C1orf141: variants seen among roughly 807,000 people sequenced by gnomAD.
C1orf141 encodes uncharacterized protein C1orf141.
In C1orf141, 19 loss-of-function variants were observed where a neutral mutation model predicts 23.2. The ratio of observed to expected loss-of-function variants is 0.82; its 90% CI spans 0.57 to 1.20. C1orf141 has a LOEUF of 1.20. Ranked by LOEUF, C1orf141 falls within the 50% of genes most tolerant of loss-of-function variation. The pLI is 0.00. For missense variants in C1orf141, 469 were observed against 455.1 expected (o/e 1.03, Z -0.28); for synonymous variants, 153 against 154.6 (o/e 0.99, Z 0.08).
chr1:67,101,396 T>C (rs1645795295), intron 5 of C1orf141, among the ~76,000 whole-genome samples: 2 of 151,938 alleles, frequency 1.3e-5, no homozygotes, highest in South Asian at 4.1e-4. Flanking sequence ...ATTTTGCATC[T>C]TTCTCTGACC....
chr1:67,096,160 C>G (rs1645675705), intron 6 of C1orf141, 92 bp downstream of exon 6: 2 of 682,100 alleles, frequency 2.9e-6, no homozygotes, highest in African/African-American at 1.8e-5. Context: ...AATAATAAGG[C>G]AGAATAAATT....
chr1:67,098,328 C>T lies in C1orf141; in HGVS notation c.347-2007G>A, dbSNP rs150829533. Among the ~76,000 whole-genome samples, 93 of 152,218 alleles carry T rather than the reference C, an allele frequency of 6.1e-4. 1 individual carries two copies. Among genetic ancestry groups the T allele is most frequent in the African/African-American group, 2.0e-3 (84 of 41,544 alleles). On this transcript the variant is annotated intron_variant, in intron 5 of 7. Coordinates refer to ENST00000684719, the MANE Select transcript of C1orf141 (RefSeq NM_001276351.2). Reference sequence around the variant, plus strand: ...TTGAGGTCAGGAGTTTGAGACCAGCCTGGCCAACATGGTGAAACCCCATCT... The same window carrying T: ...TTGAGGTCAGGAGTTTGAGACCAGCTTGGCCAACATGGTGAAACCCCATCT...
rs145029579 is a variant in C1orf141 at position 67,107,375 on chromosome 1, T to C, written c.346+7977A>G. Among the ~76,000 whole-genome samples the C allele has an allele frequency of 2.4e-3, 367 of 152,250 alleles. 3 individuals are homozygous for C. The highest frequency in any genetic ancestry group is 2.2e-3 in the Non-Finnish European group (148 of 67,998). On this transcript the variant is annotated intron_variant, in intron 5 of 7. Coordinates refer to ENST00000684719, the MANE Select transcript of C1orf141 (RefSeq NM_001276351.2). ...AACAAAAAAGAATAAAATGATAGAC[T>C]TAATTTCACCCATATCACCAATTAC...
At chr1:67,098,741 T>C (rs1645739607) in intron 5 of C1orf141, among the ~76,000 whole-genome samples, 4 of 152,074 alleles carry the variant, frequency 2.6e-5, no homozygotes, top group Admixed American at 2.6e-4. Context: ...TGATGAAATA[T>C]GTTTAGAAAT....
At chr1:67,094,686 C>T (rs1329446630) in intron 7 of C1orf141, 1 of 152,246 alleles carries the variant, frequency 6.6e-6, no homozygotes, top group Non-Finnish European at 1.5e-5. Flanking sequence ...CCTGACTAGA[C>T]AGCTTTCGAG....
At chr1:67,120,037 C>G (rs1256486758) in intron 4 of C1orf141, among the ~76,000 whole-genome samples, 2 of 152,208 alleles carry the variant, frequency 1.3e-5, no homozygotes, top group Non-Finnish European at 2.9e-5. Flanking sequence ...TGAGTGGGTT[C>G]TGGAGGCAGG....
At chr1:67,095,046 A>G (rs1645643349) in intron 7 of C1orf141, 189 bp downstream of exon 7, 2 of 488,604 alleles carry the variant, frequency 4.1e-6, no homozygotes, top group Non-Finnish European at 7.1e-6. Flanking sequence ...TTCAGCTGGT[A>G]TAAAGGAATC....
At chr1:67,141,255 A>AAAT (rs1483491918) in intron 1 of C1orf141, among the ~76,000 whole-genome samples, 2 of 152,320 alleles carry the variant, frequency 1.3e-5, no homozygotes, top group East Asian at 3.9e-4. Flanking sequence ...TATATCTTGG[A>AAAT]AATATTTTTC....
chr1:67,095,081 G>A, intron 7 of C1orf141, 154 bp downstream of exon 7: 2 of 524,590 alleles, frequency 3.8e-6, no homozygotes, highest in Non-Finnish European at 6.6e-6. Flanking sequence ...TGTGCAAAGT[G>A]CATTAAGAAC....
At chr1:67,127,290 C>T (rs376724344) in intron 2 of C1orf141, 33 bp from the exon 3 acceptor site, 2 of 1,252,472 alleles carry the variant, frequency 1.6e-6, no homozygotes, top group South Asian at 1.3e-5. Context: ...AAGAACAAAT[C>T]AATTCAAATT....
At position 67,093,424 on chromosome 1, in the gene C1orf141, A is replaced by C; in HGVS notation, c.784T>G (p.Ser262Ala). ...EILKSIIGNQ[S>A]ISLFKPQKTM... ...TTTTGGGGTTTGAAAAGAGAAATAG[A>C]TTGATTGCCAATTATAGATTTGAGG... Residue 262 changes from serine to alanine, a missense_variant, in exon 8 of 8, where the codon TCT (serine) becomes GCT (alanine). By Grantham distance (99) the Ser-to-Ala change is moderately conservative. Transcript: ENST00000684719. 1.2e-6 allele frequency: 2 copies of C among 1,611,688 alleles called. No homozygotes were observed. Among genetic ancestry groups the C allele is most frequent in the Non-Finnish European group, 1.7e-6 (2 of 1,178,420 alleles).
At chr1:67,134,729 C>T (rs1055069002) in intron 1 of C1orf141, among the ~76,000 whole-genome samples, 10 of 152,208 alleles carry the variant, frequency 6.6e-5, no homozygotes, top group African/African-American at 2.4e-4. Context: ...AAGAGCCCCC[C>T]GGGCTCGCCT....
intron 5 of C1orf141, among the ~76,000 whole-genome samples, chr1:67,096,699 A>C (rs745476557): frequency 1.3e-5 from 2 of 152,240 alleles, no homozygotes. Flanking sequence ...AGATCTTGCC[A>C]TGCGGCATGA....
At chr1:67,134,296 G>A (rs1383251814) in intron 1 of C1orf141, among the ~76,000 whole-genome samples, 1 of 147,564 alleles carries the variant, frequency 6.8e-6, no homozygotes, top group African/African-American at 2.5e-5. Flanking sequence ...AAGCCAACGC[G>A]CCGGCCTGGA....
chr1:67,107,238 AG>A (rs1237586712), intron 5 of C1orf141, among the ~76,000 whole-genome samples: 1 of 152,180 alleles, frequency 6.6e-6, no homozygotes, highest in Non-Finnish European at 1.5e-5. Flanking sequence ...ACAAATAAAA[AG>A]AGAGATAACT....
At position 67,101,268 on chromosome 1, in the gene C1orf141, G is replaced by C. The variant is rs185230510; in HGVS notation, c.347-4947C>G. On this transcript the variant is annotated intron_variant, in intron 5 of 7. Transcript: ENST00000684719. ...GCTTTGAGTACATCTAAAGCAATAC[G>C]AGGAAGCCAGAGAAAAAAAGTGACA... 2.0e-5 allele frequency among the ~76,000 whole-genome samples: 3 copies of C among 152,144 alleles called. No individual in the cohort carries two copies. The East Asian group carries it at 5.8e-4, about 29-fold the overall frequency.
At chr1:67,111,540 C>T in intron 5 of C1orf141, 1 of 823,286 alleles carries the variant, frequency 1.2e-6, no homozygotes, top group Non-Finnish European at 1.7e-6. Flanking sequence ...ATTTGAATTT[C>T]TATTAAGTAA....
Position 67,096,293 on chromosome 1 carries a change from T to C in C1orf141, c.375A>G (p.Pro125=). The change falls in exon 6 of 8, where the codon CCA becomes CCG. Residue 125 remains proline, a synonymous_variant. Transcript: ENST00000684719. ...TAQIEKKPRK[P]LDSVGLLEGD... ...CTTCTAAGAGACCAACAGAATCCAA[T>C]GGTTTCCTAGGTTTTTTTTCAATTT... is the stretch of plus-strand genomic sequence containing the variant. 6.5e-7 allele frequency: 1 copy of C among 1,536,876 alleles called. No homozygotes were observed. The highest frequency in any genetic ancestry group is 1.2e-5 in the South Asian group (1 of 83,058).
chr1:67,133,975 G>A (rs531211976), intron 1 of C1orf141, among the ~76,000 whole-genome samples: 2 of 152,098 alleles, frequency 1.3e-5, no homozygotes, highest in Admixed American at 1.3e-4. Context: ...GCTTAGTTCC[G>A]CATTATGCAT....
Sources: gnomAD v4.1 joint callset for allele counts (sites outside exome capture counted in the v4.1 genomes callset) on GRCh38, gnomAD v4.1.1 for gene constraint, MANE v1.5 for transcripts, NCBI Gene and HGNC (gene_info 2026-07-23, HGNC 2026-07-21) for gene names.